The following MIS18BP1 variants were observed in gnomAD, a reference collection of about 807,000 sequenced individuals.
MIS18BP1 encodes MIS18 binding protein 1, also known as mis18-binding protein 1.
MIS18BP1 carries 72 observed loss-of-function variants against 116.1 expected under a neutral mutation model. That is an observed-to-expected ratio of 0.62 (90% confidence interval 0.51 to 0.75). The LOEUF is 0.75. MIS18BP1 is among the 30% of genes least tolerant of loss of function. The pLI is 0.00. For synonymous variants in MIS18BP1, 386 were observed against 427.0 expected (o/e 0.90, Z 1.18); for missense variants, 1,363 against 1,303.2 (o/e 1.05, Z -0.71).
rs1380719316 is a variant in MIS18BP1 at position 45,253,081 on chromosome 14, G to A, written c.-138C>T. On this transcript the variant is annotated 5_prime_UTR_variant, in exon 1 of 17. Coordinates refer to ENST00000310806, the MANE Select transcript of MIS18BP1 (RefSeq NM_018353.5). ...GGAGAGACTGCCGCAGTTCCGGCTC[G>A]GCTCCGCGCGGAGAGAGGGCCGCAC... 1 of 152,370 alleles carries A rather than the reference G, an allele frequency of 6.6e-6. No homozygotes were observed. Among genetic ancestry groups the A allele is most frequent in the Non-Finnish European group, 1.5e-5 (1 of 68,142 alleles). 9.4% of individuals were successfully genotyped at this position (152,370 alleles called of 1,614,324 possible).
chr14:45,218,948 A>C (rs1056438596), intron 11 of MIS18BP1, among the ~76,000 whole-genome samples: 3 of 147,050 alleles, frequency 2.0e-5, no homozygotes, highest in Non-Finnish European at 4.6e-5. Context: ...TATTTTAGAT[A>C]TATGCTCTCT....
intron 6 of MIS18BP1, 46 bp downstream of exon 6, chr14:45,235,768 C>T: frequency 6.6e-7 from 1 of 1,512,756 alleles, no homozygotes; most frequent in East Asian, 2.3e-5. Context: ...ACATGGTTAA[C>T]TGCTTTACTT....
At chr14:45,217,278 GT>G in intron 12 of MIS18BP1, 99 bp from the exon 13 acceptor site, 1 of 1,389,052 alleles carries the variant, frequency 7.2e-7, no homozygotes. Flanking sequence ...GTGCATTCAT[GT>G]TAAAAAAAAA....
rs1026699047 is a variant in MIS18BP1, at chr14:45,253,100, GC to G, written c.-158del. On this transcript the variant is annotated 5_prime_UTR_variant, in exon 1 of 17. Coordinates refer to ENST00000310806, the MANE Select transcript of MIS18BP1 (RefSeq NM_018353.5). ...CGGCTCGGCTCCGCGCGGAGAGAGG[GC>G]CGCACGCCGCCGGGCTCGCGCCTCA... 8 of 152,322 alleles carry G rather than the reference GC, an allele frequency of 5.3e-5. No individual in the cohort carries two copies. The highest frequency in any genetic ancestry group is 1.9e-4 in the African/African-American group (8 of 41,462). The allele number at this position is 152,322 out of a possible 1,614,324, so 9.4% of individuals were successfully genotyped here. A position where few individuals can be genotyped will look rare whatever the true frequency, so the allele number is the denominator to read the frequency against.
intron 14 of MIS18BP1, among the ~76,000 whole-genome samples, chr14:45,207,418 A>C (rs1890547397): frequency 6.6e-6 from 1 of 152,258 alleles, no homozygotes; most frequent in Non-Finnish European, 1.5e-5. Flanking sequence ...TGGGAGGCTG[A>C]GGCTGGCGGA....
intron 11 of MIS18BP1, among the ~76,000 whole-genome samples, chr14:45,221,254 C>G (rs1007056894): frequency 6.6e-6 from 1 of 151,916 alleles, no homozygotes; most frequent in Non-Finnish European, 1.5e-5. Context: ...CTGGCTAACA[C>G]GGTGAAACCC....
rs183545787 is a variant in MIS18BP1, at chr14:45,217,511, T to G, written c.2843-332A>C. 2.9e-3 allele frequency among the ~76,000 whole-genome samples: 438 copies of G among 152,314 alleles called. 5 individuals are homozygous for G. Among genetic ancestry groups the G allele is most frequent in the Admixed American group, 0.021 (318 of 15,302 alleles). On this transcript the variant is annotated intron_variant, in intron 12 of 16. Transcript: ENST00000310806. ...CTCCTATAGAACAAATGATTATTTC[T>G]ACACTGGGATCTGGGATTTGTGCAA...
At chr14:45,230,776 T>C (rs557878091) in intron 8 of MIS18BP1, among the ~76,000 whole-genome samples, 132 of 152,018 alleles carry the variant, frequency 8.7e-4, no homozygotes, top group African/African-American at 3.1e-3. Context: ...TGCACTACCA[T>C]GTGTGGCTAA....
intron 1 of MIS18BP1, among the ~76,000 whole-genome samples, chr14:45,249,629 G>C (rs1175229575): frequency 1.3e-5 from 2 of 152,162 alleles, no homozygotes; most frequent in Non-Finnish European, 2.9e-5. Flanking sequence ...CCAGCACTTT[G>C]GGAGGCCAAG....
chr14:45,239,373 A>C (rs1368983428), intron 4 of MIS18BP1, among the ~76,000 whole-genome samples: 1 of 152,206 alleles, frequency 6.6e-6, no homozygotes, highest in African/African-American at 2.4e-5. Flanking sequence ...TTTAAGACAA[A>C]ACAGTCAGGG....
intron 11 of MIS18BP1, among the ~76,000 whole-genome samples, chr14:45,219,336 TTTATA>T: frequency 6.6e-6 from 1 of 152,356 alleles, no homozygotes; most frequent in South Asian, 2.1e-4. Flanking sequence ...ACAGTCCTGA[TTTATA>T]AAGTCTGATG....
chr14:45,208,692 C>T (rs577647226), intron 14 of MIS18BP1, among the ~76,000 whole-genome samples: 78 of 152,118 alleles, frequency 5.1e-4, no homozygotes, highest in Non-Finnish European at 9.4e-4. Context: ...AAAATTTGTC[C>T]AAAATAGTAT....
Position 45,224,497 on chromosome 14 carries a change from C to T in MIS18BP1, c.2090G>A (p.Gly697Glu), listed in dbSNP as rs761405101. The T allele has an allele frequency of 1.2e-6, 2 of 1,612,726 alleles. No homozygotes were observed. Among genetic ancestry groups the T allele is most frequent in the Admixed American group, 3.3e-5 (2 of 59,776 alleles). The change falls in exon 11 of 17, where the codon GGG becomes GAG. Residue 697 changes from glycine to glutamate, a missense_variant. Physicochemically the swap from Gly to Glu is moderately conservative, Grantham distance 98 (BLOSUM62 -2). Transcript: ENST00000310806. ...ACCTTCAAATGTATTTTCTAAAGTC[C>T]CCATGGACTTGCTGATGGGACTTTT... is the stretch of plus-strand genomic sequence containing the variant. ...QKKSPISKSM[G>E]TLENTFEGHK...
rs1891864267 is a variant in MIS18BP1, at chr14:45,251,171, A to C, written c.-92+1864T>G. ...GTACCTTTTTTTTAAACTTATTTTT[A>C]CTGTACCTTTTCTATATTTTGGTAT... On this transcript the variant is annotated intron_variant, in intron 1 of 16. Coordinates refer to ENST00000310806, the MANE Select transcript of MIS18BP1 (RefSeq NM_018353.5). 2.0e-5 allele frequency among the ~76,000 whole-genome samples: 3 copies of C among 151,664 alleles called. No homozygotes were observed. The South Asian group carries it at 6.2e-4, about 31-fold the overall frequency.
At chr14:45,244,570 A>G (rs914525327) in intron 2 of MIS18BP1, among the ~76,000 whole-genome samples, 6 of 151,740 alleles carry the variant, frequency 4.0e-5, no homozygotes, top group African/African-American at 9.7e-5. Flanking sequence ...ACTCCCCCCA[A>G]TTCTACACCA....
intron 8 of MIS18BP1, among the ~76,000 whole-genome samples, chr14:45,230,069 A>G (rs1168037622): frequency 1.3e-5 from 2 of 152,218 alleles, no homozygotes; most frequent in African/African-American, 2.4e-5. Context: ...ATACAGGTAC[A>G]TTTATATCCA....
intron 2 of MIS18BP1, among the ~76,000 whole-genome samples, chr14:45,244,045 T>C (rs1337910850): frequency 1.3e-5 from 2 of 152,182 alleles, no homozygotes; most frequent in African/African-American, 2.4e-5. Context: ...TCCCCACTTC[T>C]ACCCCCAAAC....
intron 14 of MIS18BP1, among the ~76,000 whole-genome samples, chr14:45,206,677 A>T (rs761476989): frequency 2.6e-5 from 4 of 152,220 alleles, no homozygotes; most frequent in Non-Finnish European, 5.9e-5. Flanking sequence ...AAAATGCTTA[A>T]ATCAAACATT....
Position 45,206,163 on chromosome 14 carries a change from A to G in MIS18BP1, c.3160T>C (p.Cys1054Arg). 1 of 1,595,980 alleles carries G rather than the reference A, an allele frequency of 6.3e-7. No individual in the cohort carries two copies. The highest frequency in any genetic ancestry group is 1.1e-5 in the South Asian group (1 of 89,506). The change falls in exon 15 of 17, where the codon TGT (cysteine) becomes CGT (arginine). Residue 1054 changes from cysteine to arginine, a missense_variant. Coordinates refer to ENST00000310806, the MANE Select transcript of MIS18BP1 (RefSeq NM_018353.5). ...GMLGSINRND[C>R]DKYVFRMQKY... Reference sequence around the variant, plus strand: ...TGCATACGAAAAACATATTTATCACAGTCATTCCTGTTTGAATACGAAATA... The same window carrying G: ...TGCATACGAAAAACATATTTATCACGGTCATTCCTGTTTGAATACGAAATA...
Sources: gnomAD v4.1 joint callset for allele counts (sites outside exome capture counted in the v4.1 genomes callset) on GRCh38, gnomAD v4.1.1 for gene constraint, MANE v1.5 for transcripts, NCBI Gene and HGNC (gene_info 2026-07-23, HGNC 2026-07-21) for gene names.